LAMA4: variants seen among roughly 807,000 people sequenced by gnomAD.
LAMA4 encodes the protein laminin subunit alpha 4.
Under a neutral mutation model 207.1 loss-of-function variants are expected in LAMA4, and 127 were observed. The observed-to-expected ratio is 0.61, with a 90% CI of 0.53 to 0.71. The LOEUF (loss-of-function observed/expected upper bound fraction) is 0.71, where lower values mean the gene tolerates loss of function less well. Among genes scored for constraint, LAMA4 ranks in the 30% least tolerant of loss-of-function variants. The probability of loss-of-function intolerance (pLI) is 0.00; values close to 1 mark genes in which losing one functional copy is unlikely to be tolerated. For synonymous variants in LAMA4, 761 were observed against 816.0 expected (o/e 0.93, Z 1.15); for missense variants, 2,093 against 2,246.5 (o/e 0.93, Z 1.38).
At chr6:112,129,584 G>A (rs1049380621) in intron 30 of LAMA4, among the ~76,000 whole-genome samples, 26 of 152,024 alleles carry the variant, frequency 1.7e-4, no homozygotes, top group African/African-American at 6.3e-4. Context: ...TGCTTTATGT[G>A]CATTATCTTC....
intron 17 of LAMA4, among the ~76,000 whole-genome samples, chr6:112,149,126 ATACT>A (rs1203821928): frequency 2.7e-5 from 4 of 145,544 alleles, no homozygotes; most frequent in African/African-American, 7.7e-5. Context: ...TATAAAAATA[ATACT>A]TAATTTAATA....
Position 112,144,920 on chromosome 6 carries a change from G to A in LAMA4, c.2367C>T (p.Thr789=), listed in dbSNP as rs1468663390. ...NSARDAVRNL[T]EVVPQLLDQL... Reference sequence around the variant, plus strand: ...GATCCAGGAGCTGAGGGACAACCTCGGTCAGATTTCTTACTGCAGTTAATA... The same window carrying A: ...GATCCAGGAGCTGAGGGACAACCTCAGTCAGATTTCTTACTGCAGTTAATA... The change falls in exon 19 of 39, where the codon ACC becomes ACT. Residue 789 remains threonine (T), a synonymous_variant. Coordinates refer to ENST00000230538, the MANE Select transcript of LAMA4 (RefSeq NM_001105206.3). 1.3e-5 allele frequency: 21 copies of A among 1,613,556 alleles called. No individual in the cohort carries two copies. The East Asian group carries it at 4.2e-4, about 33-fold the overall frequency.
At position 112,122,053 on chromosome 6, in the gene LAMA4, C is replaced by CT. The variant is rs1778393332; in HGVS notation, c.4435_4436insA (p.Arg1479GlnfsTer5). ...TCCTTTTAAGTGTTCAAACTCTTGG[C>CT]GGCTGTTGGCTGTTCCTCCATATTG... is the stretch of plus-strand genomic sequence containing the variant. On this transcript the variant is annotated frameshift_variant, in exon 32 of 39. Transcript: ENST00000230538. LOFTEE classifies it high-confidence loss of function. The CT allele has an allele frequency of 6.2e-7, 1 of 1,613,794 alleles. No homozygotes were observed. The highest frequency in any genetic ancestry group is 1.7e-5 in the Admixed American group (1 of 59,986).
chr6:112,124,236 G>C (rs1554326898), intron 31 of LAMA4, among the ~76,000 whole-genome samples: 1 of 152,152 alleles, frequency 6.6e-6, no homozygotes, highest in African/African-American at 2.4e-5. Flanking sequence ...TGGATGGAAA[G>C]GATCTCACGC....
At chr6:112,235,056 G>A (rs908695100) in intron 2 of LAMA4, among the ~76,000 whole-genome samples, 5 of 152,164 alleles carry the variant, frequency 3.3e-5, no homozygotes, top group African/African-American at 1.2e-4. Context: ...ACTAGGGTGA[G>A]AATGAGGCGT....
intron 2 of LAMA4, among the ~76,000 whole-genome samples, chr6:112,227,059 T>C (rs1422043567): frequency 6.7e-6 from 1 of 149,920 alleles, no homozygotes; most frequent in Non-Finnish European, 1.5e-5. Context: ...ATTTATTTAT[T>C]TATTTATTTA....
In LAMA4 at chr6:112,254,286, C is replaced by A; in HGVS notation, c.-136G>T. 1 of 1,061,352 alleles carries A rather than the reference C, an allele frequency of 9.4e-7. No individual in the cohort carries two copies. The allele number at this position is 1,061,352 out of a possible 1,614,324, so 65.7% of individuals were successfully genotyped here. On this transcript the variant is annotated 5_prime_UTR_variant, in exon 2 of 39. Transcript: ENST00000230538. The stretch of plus-strand genomic sequence containing the variant: ...CAGTATCCCGAGGTGGCTGCGCAAC[C>A]AGCAGCTTAGGAAATAAAGGGAAAG...
Position 112,132,748 on chromosome 6 carries a change from C to T in LAMA4, c.3834+5G>A, listed in dbSNP as rs781840920. ...AAGTTTCCTCAGAGAAAAACAAACACTTACCCCTGAAGCATAATAGAATAG... is the reference window on the plus strand; with the variant it reads ...AAGTTTCCTCAGAGAAAAACAAACATTTACCCCTGAAGCATAATAGAATAG... On this transcript the variant is annotated splice_donor_5th_base_variant and intron_variant, in intron 28 of 38. Transcript: ENST00000230538. 1 of 1,612,376 alleles carries T rather than the reference C, an allele frequency of 6.2e-7. No homozygotes were observed. Among genetic ancestry groups the T allele is most frequent in the South Asian group, 1.1e-5 (1 of 91,000 alleles).
At chr6:112,254,352 T>G (rs1787712405) in intron 1 of LAMA4, 61 bp from the exon 2 acceptor site, 1 of 631,010 alleles carries the variant, frequency 1.6e-6, no homozygotes, top group African/African-American at 1.8e-5. Context: ...TCTCCCTCTC[T>G]CTCTCTCCCC....
chr6:112,141,680 G>A lies in LAMA4; in HGVS notation c.2668-177C>T, dbSNP rs1016825. 0.28 allele frequency among the ~76,000 whole-genome samples: 42,837 copies of A among 152,024 alleles called. 6,324 individuals carry two copies. Among genetic ancestry groups the A allele is most frequent in the African/African-American group, 0.38 (15,714 of 41,436 alleles). On this transcript the variant is annotated intron_variant, in intron 20 of 38. Transcript: ENST00000230538. ...GTCTCTTCCTTTCCAGCCTCCCTGT[G>A]GCCACATCAGAGTCTGCTGGCCCCA...
Position 112,175,169 on chromosome 6 carries a change from T to C in LAMA4, c.1357+144A>G, listed in dbSNP as rs1781947087. ...AGTCAAGTTGTCCTGAATGATTCCC[T>C]GTGGCCACATGTAGATTCTAAATAG... On this transcript the variant is annotated intron_variant, in intron 11 of 38. Transcript: ENST00000230538. The C allele has an allele frequency of 7.4e-6, 6 of 808,842 alleles. No homozygotes were observed. The South Asian group carries it at 8.7e-5, about 12-fold the overall frequency. The allele number at this position is 808,842 out of a possible 1,614,324, so 50.1% of individuals were successfully genotyped here. A position where few individuals can be genotyped will look rare whatever the true frequency, so the allele number is the denominator to read the frequency against.
chr6:112,129,963 C>T lies in LAMA4; in HGVS notation c.4046G>A (p.Ser1349Asn), dbSNP rs782339400. Reference protein sequence around the residue: ...TKGKIEQTQASEKKFYFGGSP... With the variant: ...TKGKIEQTQANEKKFYFGGSP... ...GCCACCGAAGTAAAACTTCTTTTCA[C>T]TTGCTTGTGTCTGTTCTATTTTCCC... is the stretch of plus-strand genomic sequence containing the variant. Residue 1349 changes from serine (S) to asparagine (N), a missense_variant, in exon 30 of 39, where the codon AGT (serine) becomes AAT (asparagine). Physicochemically the swap from Ser to Asn is conservative, Grantham distance 46. This residue lies in a region of LAMA4 where 1,704 missense variants were observed against 1,788.4 expected (regional missense o/e 0.95). Coordinates refer to ENST00000230538, the MANE Select transcript of LAMA4 (RefSeq NM_001105206.3). 3 of 1,613,392 alleles carry T rather than the reference C, an allele frequency of 1.9e-6. No individual in the cohort carries two copies. The highest frequency in any genetic ancestry group is 2.2e-5 in the East Asian group (1 of 44,850).
In LAMA4 at chr6:112,200,308, A is replaced by C. The variant is rs546261425; in HGVS notation, c.503+1300T>G. 2.5e-3 allele frequency: 932 copies of C among 375,764 alleles called. 2 individuals carry two copies. The highest frequency in any genetic ancestry group is 4.3e-3 in the Non-Finnish European group (820 of 190,084). 23.3% of individuals were successfully genotyped at this position (375,764 alleles called of 1,614,324 possible). A position where few individuals can be genotyped will look rare whatever the true frequency, so the allele number is the denominator to read the frequency against. ...GCTCATCATCACTGGTCATTAGAGA[A>C]ATGCAAATCAAAACCACAATGAGAT... On this transcript the variant is annotated intron_variant, in intron 5 of 38. Transcript: ENST00000230538.
Position 112,116,010 on chromosome 6 carries a change from T to C in LAMA4, c.4982-17A>G. The C allele has an allele frequency of 6.2e-7, 1 of 1,608,468 alleles. No homozygotes were observed. ...AAGATTCATCTGTGGAGAGAAACAC[T>C]ATAAACTCCCAAGAACAGCAAGATC... On this transcript the variant is annotated splice_polypyrimidine_tract_variant and intron_variant, in intron 35 of 38. Coordinates refer to ENST00000230538, the MANE Select transcript of LAMA4 (RefSeq NM_001105206.3).
chr6:112,240,034 C>T (rs1412101684), intron 2 of LAMA4, among the ~76,000 whole-genome samples: 4 of 151,802 alleles, frequency 2.6e-5, no homozygotes, highest in Non-Finnish European at 5.9e-5. Flanking sequence ...CCAGCCTGGG[C>T]GACAGAGCGA....
At chr6:112,154,722 G>T in intron 16 of LAMA4, 129 bp downstream of exon 16, 1 of 719,650 alleles carries the variant, frequency 1.4e-6, no homozygotes, top group South Asian at 1.5e-5. Flanking sequence ...CTCTGAGCAG[G>T]AACTACTGAT....
intron 7 of LAMA4, among the ~76,000 whole-genome samples, chr6:112,188,607 A>G (rs1416482140): frequency 6.6e-6 from 1 of 152,242 alleles, no homozygotes; most frequent in African/African-American, 2.4e-5. Context: ...AATTAACAGG[A>G]GAGCCAGAGA....
At chr6:112,126,201 A>AT in intron 31 of LAMA4, among the ~76,000 whole-genome samples, 1 of 152,214 alleles carries the variant, frequency 6.6e-6, no homozygotes, top group Non-Finnish European at 1.5e-5. Context: ...CTTAATTTAG[A>AT]AAACTGTGTT....
chr6:112,190,874 T>C (rs563635512), intron 6 of LAMA4, among the ~76,000 whole-genome samples: 1 of 36,368 alleles, frequency 2.7e-5, no homozygotes, highest in South Asian at 1.3e-3. Context: ...GGTTTCTTTT[T>C]CTTTCTTTCT....
Sources: gnomAD v4.1 joint callset for allele counts (sites outside exome capture counted in the v4.1 genomes callset) on GRCh38, gnomAD v4.1.1 for gene constraint, gnomAD v4.1.1 regional missense constraint, MANE v1.5 for transcripts, NCBI Gene and HGNC (gene_info 2026-07-23, HGNC 2026-07-21) for gene names.